LRP1B: variants seen among roughly 807,000 people sequenced by gnomAD.
LRP1B encodes LDL receptor related protein 1B.
In LRP1B, 217 loss-of-function variants were observed where a neutral mutation model predicts 556.6. The observed-to-expected ratio is 0.39, with a 90% CI of 0.35 to 0.44. The LOEUF is 0.44. Ranked by LOEUF, LRP1B falls within the 20% of genes least tolerant of loss-of-function variation. The probability of loss-of-function intolerance (pLI) is 1.00; values close to 1 mark genes in which losing one functional copy is unlikely to be tolerated. For missense variants in LRP1B, 5,053 were observed against 5,620.8 expected (o/e 0.90, Z 3.23); for synonymous variants, 2,047 against 1,865.8 (o/e 1.10, Z -2.50).
At chr2:141,336,385 T>A (rs1032757386) in intron 3 of LRP1B, among the ~76,000 whole-genome samples, 1 of 152,188 alleles carries the variant, frequency 6.6e-6, no homozygotes, top group African/African-American at 2.4e-5. Context: ...CCCCACAAAA[T>A]CTGTTCCTCT....
chr2:141,669,944 G>A (rs10209842), intron 2 of LRP1B, among the ~76,000 whole-genome samples: 17,140 of 151,816 alleles, frequency 0.11, 1,026 homozygotes, highest in African/African-American at 0.15. Context: ...TAGTACAGAC[G>A]GGGTTTCACC....
At chr2:142,005,585 TTATTGTATTCA>T (rs1451057324) in intron 1 of LRP1B, among the ~76,000 whole-genome samples, 1 of 152,206 alleles carries the variant, frequency 6.6e-6, no homozygotes, top group African/African-American at 2.4e-5. Context: ...TCATTATTAA[TTATTGTATTCA>T]TGTAATGATG....
At chr2:141,648,102 A>T (rs1558779008) in intron 2 of LRP1B, among the ~76,000 whole-genome samples, 1 of 152,060 alleles carries the variant, frequency 6.6e-6, no homozygotes, top group African/African-American at 2.4e-5. Context: ...GGAAAAAAAA[A>T]ATTGTGGAGC....
intron 71 of LRP1B, among the ~76,000 whole-genome samples, chr2:140,368,484 T>A (rs547059881): frequency 6.6e-6 from 1 of 151,922 alleles, no homozygotes; most frequent in African/African-American, 2.4e-5. Flanking sequence ...TTTCCACCAG[T>A]ATTATATAAA....
intron 74 of LRP1B, among the ~76,000 whole-genome samples, chr2:140,357,736 T>C (rs1316329569): frequency 6.6e-6 from 1 of 151,696 alleles, no homozygotes; most frequent in Admixed American, 6.6e-5. Context: ...ACTTCGATAT[T>C]TGAATATTGA....
At chr2:142,125,417 T>C (rs1471967362) in intron 1 of LRP1B, among the ~76,000 whole-genome samples, 1 of 151,784 alleles carries the variant, frequency 6.6e-6, no homozygotes, top group Admixed American at 6.6e-5. Context: ...ATTGCAAGTA[T>C]AATACTTTTC....
At chr2:141,713,509 G>C (rs968458886) in intron 2 of LRP1B, among the ~76,000 whole-genome samples, 1 of 152,098 alleles carries the variant, frequency 6.6e-6, no homozygotes, top group East Asian at 1.9e-4. Flanking sequence ...GATAAATGCG[G>C]TATCTGTTAA....
chr2:140,568,023 G>C (rs4338920), intron 43 of LRP1B, among the ~76,000 whole-genome samples: 7,835 of 152,056 alleles, frequency 0.052, 381 homozygotes, highest in African/African-American at 0.13. Flanking sequence ...AGAGGTGATT[G>C]TTCCACCAGA....
At chr2:140,320,158 C>A (rs17386365) in intron 82 of LRP1B, among the ~76,000 whole-genome samples, 3,089 of 152,200 alleles carry the variant, frequency 0.02, 37 homozygotes, top group African/African-American at 0.028. Flanking sequence ...TCTGACTGAT[C>A]CCCTATTTGA....
chr2:141,500,736 C>G (rs762190766), intron 2 of LRP1B, among the ~76,000 whole-genome samples: 4 of 152,086 alleles, frequency 2.6e-5, no homozygotes, highest in Non-Finnish European at 5.9e-5. Flanking sequence ...ATAGATAACA[C>G]TTGCTGAGAA....
chr2:141,265,697 T>A (rs1345755717), intron 3 of LRP1B, among the ~76,000 whole-genome samples: 1 of 151,934 alleles, frequency 6.6e-6, no homozygotes, highest in Non-Finnish European at 1.5e-5. Context: ...AAAAAAGTAA[T>A]GAGATAGATG....
At chr2:140,726,435 C>A (rs538778996) in intron 35 of LRP1B, among the ~76,000 whole-genome samples, 3 of 152,304 alleles carry the variant, frequency 2.0e-5, no homozygotes, top group Non-Finnish European at 4.4e-5. Flanking sequence ...CAAGCCAAAG[C>A]ACAAGGCAGC....
intron 1 of LRP1B, among the ~76,000 whole-genome samples, chr2:142,081,398 A>G (rs1705709635): frequency 1.3e-5 from 2 of 152,162 alleles, no homozygotes; most frequent in Admixed American, 1.3e-4. Context: ...TGGAGATAAA[A>G]TGTGATCACA....
rs1366751637 is a variant in LRP1B at position 140,244,231 on chromosome 2, GTATAA to G, written c.13324+2850_13324+2854del. On this transcript the variant is annotated intron_variant, in intron 87 of 90. Transcript: ENST00000389484. The stretch of plus-strand genomic sequence containing the variant: ...TATATTTGCAGATTTATAATTCCTG[GTATAA>G]TATAACCAGTTTTTTTCTGTATTAA... 2.6e-5 allele frequency among the ~76,000 whole-genome samples: 4 copies of G among 150,962 alleles called. No homozygotes were observed. The South Asian group carries it at 6.2e-4, about 24-fold the overall frequency.
At chr2:141,395,256 C>A (rs540646763) in intron 3 of LRP1B, among the ~76,000 whole-genome samples, 24 of 152,178 alleles carry the variant, frequency 1.6e-4, no homozygotes, top group African/African-American at 5.8e-4. Flanking sequence ...TTCAGTCCTG[C>A]CAGCTCCATT....
At chr2:141,253,628 C>G (rs539781745) in intron 4 of LRP1B, among the ~76,000 whole-genome samples, 1 of 152,052 alleles carries the variant, frequency 6.6e-6, no homozygotes, top group South Asian at 2.1e-4. Context: ...AAACAATTAT[C>G]TCATGAATTT....
At chr2:140,281,195 G>C (rs1682898451) in intron 84 of LRP1B, among the ~76,000 whole-genome samples, 1 of 151,748 alleles carries the variant, frequency 6.6e-6, no homozygotes, top group African/African-American at 2.4e-5. Context: ...CACAGTAATA[G>C]ACTCTACATA....
intron 3 of LRP1B, among the ~76,000 whole-genome samples, chr2:141,365,314 C>T (rs551445802): frequency 6.6e-6 from 1 of 152,230 alleles, no homozygotes; most frequent in East Asian, 1.9e-4. Flanking sequence ...CCTCCCACTT[C>T]GGCCTCCCAA....
chr2:141,909,979 CCTA>C (rs1473354676), intron 1 of LRP1B, among the ~76,000 whole-genome samples: 1 of 151,632 alleles, frequency 6.6e-6, no homozygotes, highest in Non-Finnish European at 1.5e-5. Context: ...ATGTATTTCT[CCTA>C]CTAATTCTAC....
Sources: allele counts gnomAD v4.1 joint callset (sites outside exome capture counted in the v4.1 genomes callset), GRCh38; gene constraint gnomAD v4.1.1; transcripts MANE v1.5; gene names NCBI Gene and HGNC (gene_info 2026-07-23, HGNC 2026-07-21).